The following PRKD2 variants were observed in gnomAD, a reference collection of about 807,000 sequenced individuals.
The protein encoded by PRKD2 is protein kinase D2.
A neutral mutation model predicts 86.0 loss-of-function variants in PRKD2; 22 were observed. The observed-to-expected ratio is 0.26, with a 90% CI of 0.18 to 0.37. The LOEUF (loss-of-function observed/expected upper bound fraction) is 0.37, where lower values mean the gene tolerates loss of function less well. PRKD2 is among the 10% of genes least tolerant of loss of function. The pLI is 1.00. For synonymous variants in PRKD2, 509 were observed against 510.9 expected (o/e 1.00, Z 0.05); for missense variants, 818 against 1,199.2 (o/e 0.68, Z 4.70).
At position 46,678,319 on chromosome 19, in the gene PRKD2, C is replaced by A; in HGVS notation, c.2338+77G>T. 1 of 1,547,980 alleles carries A rather than the reference C, an allele frequency of 6.5e-7. No individual in the cohort carries two copies. Among genetic ancestry groups the A allele is most frequent in the East Asian group, 2.4e-5 (1 of 41,812 alleles). ...TGCCAGGCTGTTTCCGGGTCCACCC[C>A]CCTCTCATGGCTCCGCCCACTTCTC... On this transcript the variant is annotated intron_variant, in intron 16 of 17. Coordinates refer to ENST00000291281, the MANE Select transcript of PRKD2 (RefSeq NM_016457.5). This position sits in a 1 kb window ranked among gnomAD's most constrained non-coding sequence, Gnocchi z 5.7.
chr19:46,699,463 G>C, intron 7 of PRKD2, among the ~76,000 whole-genome samples: 1 of 152,170 alleles, frequency 6.6e-6, no homozygotes, highest in East Asian at 1.9e-4. Flanking sequence ...ATATTTTCCA[G>C]TGCACCTGTG....
Position 46,674,640 on chromosome 19 carries a change from A to C in PRKD2, c.2520T>G (p.Phe840Leu), listed in dbSNP as rs1337715827. 6.2e-7 allele frequency: 1 copy of C among 1,607,928 alleles called. No individual in the cohort carries two copies. The highest frequency in any genetic ancestry group is 1.1e-5 in the South Asian group (1 of 91,038). Residue 840 changes from phenylalanine to leucine, a missense_variant, in exon 18 of 18, where the codon TTT (phenylalanine) becomes TTG (leucine). By Grantham distance (22) the Phe-to-Leu change is conservative (BLOSUM62 0). Transcript: ENST00000291281. Reference sequence around the variant, plus strand: ...ACCCAGGCAGCGGATGCTCTGCTGCAAACTGCTCCCAGCGCGCGTCGTCAC... The same window carrying C: ...ACCCAGGCAGCGGATGCTCTGCTGCCAACTGCTCCCAGCGCGCGTCGTCAC... The part of the protein sequence containing the change: ...HESDDARWEQ[F>L]AAEHPLPGSG...
At chr19:46,705,184 C>T (rs1295825616) in intron 3 of PRKD2, among the ~76,000 whole-genome samples, 1 of 152,020 alleles carries the variant, frequency 6.6e-6, no homozygotes, top group Non-Finnish European at 1.5e-5. Flanking sequence ...CAATGGATGC[C>T]TCAAAAGTCC....
At chr19:46,705,938 G>A (rs923839539) in intron 3 of PRKD2, among the ~76,000 whole-genome samples, 1 of 152,154 alleles carries the variant, frequency 6.6e-6, no homozygotes, top group Non-Finnish European at 1.5e-5. Flanking sequence ...GCTCACTGCA[G>A]CCTTCAACTC....
At chr19:46,700,583 G>C (rs577939036) in intron 7 of PRKD2, among the ~76,000 whole-genome samples, 8 of 152,160 alleles carry the variant, frequency 5.3e-5, no homozygotes, top group Admixed American at 5.2e-4. Flanking sequence ...AGTGAGTCAA[G>C]ACTGCACCAC....
Position 46,697,788 on chromosome 19 carries a change from G to T in PRKD2, c.1184C>A (p.Ser395Tyr). The change falls in exon 8 of 18, where the codon TCC becomes TAC. Residue 395 changes from serine (S) to tyrosine (Y), a missense_variant. By Grantham distance (144) the Ser-to-Tyr change is moderately radical. This residue lies in a region of PRKD2 where 127 missense variants were observed against 157.8 expected (regional missense o/e 0.80). Transcript: ENST00000291281. ...VQSVRHTTRK[S>Y]STTLREGWVV... ...CCAACCCTCCCGCAGCGTGGTGCTG[G>T]ATTTCCGCGTCGTGTGTCGCACCGA... 6.2e-7 allele frequency: 1 copy of T among 1,614,130 alleles called. No homozygotes were observed. Among genetic ancestry groups the T allele is most frequent in the Non-Finnish European group, 8.5e-7 (1 of 1,180,024 alleles).
intron 14 of PRKD2, among the ~76,000 whole-genome samples, 182 bp from the exon 15 acceptor site, chr19:46,681,930 T>G (rs931820953): frequency 6.7e-6 from 1 of 149,764 alleles, no homozygotes; most frequent in African/African-American, 2.5e-5. Flanking sequence ...AACCCCTACC[T>G]CCTGGGTTCA....
chr19:46,681,825 C>A, intron 14 of PRKD2, 77 bp from the exon 15 acceptor site: 2 of 828,928 alleles, frequency 2.4e-6, no homozygotes, highest in Non-Finnish European at 3.9e-6. Context: ...GCCAGCCCTC[C>A]AAACCCATCC....
intron 2 of PRKD2, among the ~76,000 whole-genome samples, chr19:46,713,464 G>A (rs1436092120): frequency 6.6e-6 from 1 of 151,974 alleles, no homozygotes; most frequent in Non-Finnish European, 1.5e-5. Flanking sequence ...AGGAAAGGCC[G>A]CACATCACAA....
At chr19:46,675,160 G>T in intron 16 of PRKD2, 42 bp from the exon 17 acceptor site, 1 of 1,546,750 alleles carries the variant, frequency 6.5e-7, no homozygotes, top group Non-Finnish European at 8.8e-7. Flanking sequence ...ACAGGTCAAG[G>T]GTCACTCCTC....
intron 14 of PRKD2, chr19:46,685,520 A>C (rs1423292617): frequency 6.6e-6 from 1 of 152,494 alleles, no homozygotes; most frequent in Non-Finnish European, 1.5e-5. Flanking sequence ...GAAAGCAGAA[A>C]TCTGCAGAGA....
Position 46,680,924 on chromosome 19 carries a change from C to CTATATATATATA in PRKD2, c.2070+714_2070+725dup, listed in dbSNP as rs1159306440. Among the ~76,000 whole-genome samples, 36 of 72,420 alleles carry CTATATATATATA rather than the reference C, an allele frequency of 5.0e-4. 1 individual carries two copies. Among genetic ancestry groups the CTATATATATATA allele is most frequent in the African/African-American group, 1.0e-3 (22 of 21,456 alleles). 47.5% of individuals were successfully genotyped at this position (72,420 alleles called of 152,430 possible). On this transcript the variant is annotated intron_variant, in intron 15 of 17. Coordinates refer to ENST00000291281, the MANE Select transcript of PRKD2 (RefSeq NM_016457.5). The stretch of plus-strand genomic sequence containing the variant: ...ATAAAGTGCTATATGTTGGGATAAA[C>CTATATATATATA]TATATATATATATATATATATATTT...
rs2053254904 is a variant in PRKD2 at position 46,678,939 on chromosome 19, T to C, written c.2071-276A>G. 6.6e-6 allele frequency among the ~76,000 whole-genome samples: 1 copy of C among 152,188 alleles called. No individual in the cohort carries two copies. Among genetic ancestry groups the C allele is most frequent in the Non-Finnish European group, 1.5e-5 (1 of 68,036 alleles). On this transcript the variant is annotated intron_variant, in intron 15 of 17. Transcript: ENST00000291281. The surrounding 1 kb of genome is among the most constrained non-coding windows in gnomAD (Gnocchi z 5.7). Reference sequence around the variant, plus strand: ...ACCATCCAAAGCCCACAGGACAATATTTGGCATTCAGTTGGTGCACAATAA... The same window carrying C: ...ACCATCCAAAGCCCACAGGACAATACTTGGCATTCAGTTGGTGCACAATAA...
chr19:46,680,763 G>T (rs921490303), intron 15 of PRKD2, among the ~76,000 whole-genome samples: 2 of 150,308 alleles, frequency 1.3e-5, no homozygotes, highest in Non-Finnish European at 3.0e-5. Context: ...GAGTGCAGTG[G>T]CACAATCATA....
In PRKD2 at chr19:46,678,496, G is replaced by A. The variant is rs112260573; in HGVS notation, c.2238C>T (p.Ser746=). The change falls in exon 16 of 18, where the codon AGC becomes AGT. Residue 746 remains serine (S), a synonymous_variant. Coordinates refer to ENST00000291281, the MANE Select transcript of PRKD2 (RefSeq NM_016457.5). The surrounding 1 kb of genome is among the most constrained non-coding windows in gnomAD (Gnocchi z 5.7). ...SVGVIMYVSL[S]GTFPFNEDED... is the part of the protein sequence containing the mutation. Reference sequence around the variant, plus strand: ...CATCCTCGTTGAAAGGGAAGGTGCCGCTGAGGCTGACGTACATGATCACGC... The same window carrying A: ...CATCCTCGTTGAAAGGGAAGGTGCCACTGAGGCTGACGTACATGATCACGC... The A allele has an allele frequency of 2.8e-5, 46 of 1,614,220 alleles. 1 individual carries two copies. Among genetic ancestry groups the A allele is most frequent in the African/African-American group, 2.0e-4 (15 of 75,054 alleles).
At position 46,681,806 on chromosome 19, in the gene PRKD2, A is replaced by G. The variant is rs545332812; in HGVS notation, c.1972-58T>C. On this transcript the variant is annotated intron_variant, in intron 14 of 17. Transcript: ENST00000291281. Reference sequence around the variant, plus strand: ...TAGATAGGTACTCAGCCAAATCCCAACCTCAGCAGCCAGCCCTCCAAACCC... The same window carrying G: ...TAGATAGGTACTCAGCCAAATCCCAGCCTCAGCAGCCAGCCCTCCAAACCC... 744 of 1,126,460 alleles carry G rather than the reference A, an allele frequency of 6.6e-4. 9 individuals are homozygous for G. In the African/African-American group the frequency reaches 8.1e-3, roughly 12 times the overall value. The allele number at this position is 1,126,460 out of a possible 1,614,324, so 69.8% of individuals were successfully genotyped here.
chr19:46,689,343 G>A lies in PRKD2; in HGVS notation c.1971+194C>T, dbSNP rs149800726. ...TCACCATGTTAGCCAGGATGGTTTC[G>A]ATCTCCTGACCTCGTGGGCCTCCCA... On this transcript the variant is annotated intron_variant, in intron 14 of 17. Coordinates refer to ENST00000291281, the MANE Select transcript of PRKD2 (RefSeq NM_016457.5). 2.3e-3 allele frequency among the ~76,000 whole-genome samples: 354 copies of A among 152,070 alleles called. 1 individual carries two copies. Among genetic ancestry groups the A allele is most frequent in the African/African-American group, 7.3e-3 (301 of 41,508 alleles).
intron 7 of PRKD2, among the ~76,000 whole-genome samples, chr19:46,699,153 C>A (rs7253152): frequency 0.081 from 12,312 of 152,088 alleles, 1,471 homozygotes; most frequent in African/African-American, 0.26. Flanking sequence ...GGTGCCTCCA[C>A]CCCAGGGCCT....
rs367913831 is a variant in PRKD2 at position 46,693,857 on chromosome 19, C to T, written c.1576+18G>A. The T allele has an allele frequency of 1.1e-5, 18 of 1,578,552 alleles. No homozygotes were observed. In the East Asian group the frequency reaches 1.8e-4, roughly 16 times the overall value. On this transcript the variant is annotated intron_variant, in intron 10 of 17. Coordinates refer to ENST00000291281, the MANE Select transcript of PRKD2 (RefSeq NM_016457.5). This position sits in a 1 kb window ranked among gnomAD's most constrained non-coding sequence, Gnocchi z 4.5. Reference sequence around the variant, plus strand: ...ATCTAGATCTATTCTCTCAAGGACCCGAGGTGGGAGGACTTACTGTGGGGC... The same window carrying T: ...ATCTAGATCTATTCTCTCAAGGACCTGAGGTGGGAGGACTTACTGTGGGGC...
Sources: allele counts gnomAD v4.1 joint callset (sites outside exome capture counted in the v4.1 genomes callset), GRCh38; gene constraint gnomAD v4.1.1; regional missense constraint gnomAD v4.1.1; non-coding constraint Gnocchi (gnomAD v3.1); transcripts MANE v1.5; gene names NCBI Gene and HGNC (gene_info 2026-07-23, HGNC 2026-07-21).